LRP1B: variants seen among roughly 807,000 people sequenced by gnomAD.
LRP1B encodes the protein LDL receptor related protein 1B.
LRP1B carries 217 observed loss-of-function variants against 556.6 expected under a neutral mutation model. The observed-to-expected ratio is 0.39, with a 90% confidence interval of 0.35 to 0.44. The LOEUF is 0.44. LRP1B is among the 20% of genes least tolerant of loss of function. The pLI, the probability that LRP1B is intolerant of heterozygous loss-of-function variation, is 1.00. For missense variants in LRP1B, 5,053 were observed against 5,620.8 expected (o/e 0.90, Z 3.23); for synonymous variants, 2,047 against 1,865.8 (o/e 1.10, Z -2.50).
At chr2:140,897,817 G>T (rs1470204782) in intron 23 of LRP1B, among the ~76,000 whole-genome samples, 3 of 152,140 alleles carry the variant, frequency 2.0e-5, no homozygotes, top group African/African-American at 7.2e-5. Context: ...CAGACTGAAG[G>T]CTGCGCTATC....
At chr2:140,257,945 G>A (rs1681768001) in intron 86 of LRP1B, among the ~76,000 whole-genome samples, 1 of 152,154 alleles carries the variant, frequency 6.6e-6, no homozygotes, top group South Asian at 2.1e-4. Flanking sequence ...CTGACAGCAG[G>A]ACCAGTGAAG....
At chr2:140,882,616 T>A (rs1693508684) in intron 25 of LRP1B, among the ~76,000 whole-genome samples, 1 of 152,214 alleles carries the variant, frequency 6.6e-6, no homozygotes, top group African/African-American at 2.4e-5. Flanking sequence ...CAATTTGGAA[T>A]CCTTGCTCTA....
chr2:141,119,728 GTGTGTGTGTC>G (rs948303630), intron 7 of LRP1B, among the ~76,000 whole-genome samples: 21 of 151,604 alleles, frequency 1.4e-4, no homozygotes, highest in African/African-American at 4.8e-4. Flanking sequence ...GTGTGTGTGT[GTGTGTGTGTC>G]TGTGTGTGTG....
intron 6 of LRP1B, among the ~76,000 whole-genome samples, chr2:141,204,630 CATA>C (rs1682190900): frequency 6.6e-6 from 1 of 152,138 alleles, no homozygotes; most frequent in Non-Finnish European, 1.5e-5. Context: ...GAAATTTATA[CATA>C]ATAATTGCCA....
At chr2:141,269,498 T>A (rs3856359) in intron 3 of LRP1B, among the ~76,000 whole-genome samples, 15,107 of 152,058 alleles carry the variant, frequency 0.099, 870 homozygotes, top group East Asian at 0.16. Context: ...AAACAGATAG[T>A]CAAAGAGAAT....
chr2:141,976,506 G>C (rs528623335), intron 1 of LRP1B, among the ~76,000 whole-genome samples: 9 of 152,098 alleles, frequency 5.9e-5, no homozygotes, highest in Middle Eastern at 3.4e-3. Flanking sequence ...CTGCTTTAGT[G>C]GGGGGTCACA....
intron 1 of LRP1B, among the ~76,000 whole-genome samples, chr2:141,968,321 T>C (rs926223936): frequency 1.3e-5 from 2 of 151,862 alleles, no homozygotes; most frequent in Non-Finnish European, 2.9e-5. Flanking sequence ...AAATTAACAG[T>C]GCCCTTCTAC....
intron 32 of LRP1B, among the ~76,000 whole-genome samples, chr2:140,802,210 G>T (rs986759337): frequency 6.6e-6 from 1 of 152,152 alleles, no homozygotes; most frequent in Non-Finnish European, 1.5e-5. Context: ...AAGGAAATTT[G>T]TAAGGTCATT....
chr2:141,886,980 G>GGGT (rs1699140812), intron 1 of LRP1B, among the ~76,000 whole-genome samples: 1 of 26,344 alleles, frequency 3.8e-5, no homozygotes, highest in East Asian at 9.7e-4. Context: ...TTTTTTTTTT[G>GGGT]GGTTTTTTGT....
intron 36 of LRP1B, 72 bp downstream of exon 36, chr2:140,716,610 T>A (rs935262150): frequency 6.9e-7 from 1 of 1,452,754 alleles, no homozygotes; most frequent in Admixed American, 2.3e-5. Context: ...TTAGAAAAGA[T>A]TTTTTATGAA....
chr2:141,233,094 T>C (rs1338085805), intron 5 of LRP1B, among the ~76,000 whole-genome samples: 4 of 152,208 alleles, frequency 2.6e-5, no homozygotes. Flanking sequence ...ATCTTATTGG[T>C]TGTCATCCTT....
At chr2:140,780,942 T>C (rs1028690003) in intron 32 of LRP1B, among the ~76,000 whole-genome samples, 1 of 152,094 alleles carries the variant, frequency 6.6e-6, no homozygotes, top group African/African-American at 2.4e-5. Flanking sequence ...ACAGGCAACA[T>C]ATAAAATGCC....
intron 9 of LRP1B, among the ~76,000 whole-genome samples, chr2:141,057,198 G>T (rs950964534): frequency 5.3e-5 from 8 of 151,840 alleles, no homozygotes; most frequent in East Asian, 3.9e-4. Flanking sequence ...AGATTTTTCT[G>T]TTTAATGCTT....
rs140430773 is a variant in LRP1B at position 141,393,684 on chromosome 2, A to G, written c.343+86712T>C. On this transcript the variant is annotated intron_variant, in intron 3 of 90. Coordinates refer to ENST00000389484, the MANE Select transcript of LRP1B (RefSeq NM_018557.3). ...GCTAAGAAATAAAAACAAATTTAAC[A>G]GTATAATGTATACTGTAGTTTGGAA... Among the ~76,000 whole-genome samples, 7 of 152,292 alleles carry G rather than the reference A, an allele frequency of 4.6e-5. No homozygotes were observed. In the East Asian group the frequency reaches 1.4e-3, roughly 29 times the overall value.
At chr2:140,432,456 G>A (rs1332590068) in intron 66 of LRP1B, among the ~76,000 whole-genome samples, 1 of 152,170 alleles carries the variant, frequency 6.6e-6, no homozygotes, top group Non-Finnish European at 1.5e-5. Flanking sequence ...TCCATAAAGA[G>A]CTTTATTATT....
chr2:140,866,807 A>T (rs1425477660), intron 27 of LRP1B, among the ~76,000 whole-genome samples: 2 of 152,112 alleles, frequency 1.3e-5, no homozygotes, highest in Non-Finnish European at 1.5e-5. Context: ...TACAAATTTT[A>T]AAAATAAGGC....
At chr2:140,468,039 A>G (rs1687620054) in intron 60 of LRP1B, among the ~76,000 whole-genome samples, 1 of 152,172 alleles carries the variant, frequency 6.6e-6, no homozygotes, top group Non-Finnish European at 1.5e-5. Context: ...GCCAGGTGCT[A>G]TCTATCAAGA....
At chr2:141,640,717 C>T (rs934765723) in intron 2 of LRP1B, among the ~76,000 whole-genome samples, 4 of 152,054 alleles carry the variant, frequency 2.6e-5, no homozygotes, top group African/African-American at 7.2e-5. Context: ...TTTCTTGAAC[C>T]CGGGAGGTGG....
intron 41 of LRP1B, among the ~76,000 whole-genome samples, chr2:140,644,756 G>T (rs990518876): frequency 5.9e-5 from 9 of 151,906 alleles, no homozygotes; most frequent in Non-Finnish European, 1.2e-4. Context: ...TGCAAACTTC[G>T]CTGTCCTGGT....
Sources: gnomAD v4.1 joint callset for allele counts (sites outside exome capture counted in the v4.1 genomes callset) on GRCh38, gnomAD v4.1.1 for gene constraint, MANE v1.5 for transcripts, NCBI Gene and HGNC (gene_info 2026-07-23, HGNC 2026-07-21) for gene names.